The following LINGO2 variants were observed in gnomAD, a reference collection of about 807,000 sequenced individuals.
The protein encoded by LINGO2 is leucine rich repeat and Ig domain containing 2, also known as leucine-rich repeat and immunoglobulin-like domain-containing nogo receptor-interacting protein 2.
A neutral mutation model predicts 30.6 loss-of-function variants in LINGO2; 14 were observed. The observed-to-expected ratio is 0.46, with a 90% confidence interval of 0.30 to 0.72. The LOEUF is 0.72. Among genes scored for constraint, LINGO2 ranks in the 30% least tolerant of loss-of-function variants. LINGO2 has a pLI of 0.07. For synonymous variants in LINGO2, 317 were observed against 288.5 expected (o/e 1.10, Z -1.00); for missense variants, 729 against 751.7 (o/e 0.97, Z 0.35).
the LINGO2 span, among the ~76,000 whole-genome samples, chr9:29,044,476 G>A: frequency 6.6e-6 from 1 of 151,950 alleles, no homozygotes; most frequent in Non-Finnish European, 1.5e-5. Context: ...TAAGGCATAT[G>A]ACTCTCATAC....
intron 3 of LINGO2, among the ~76,000 whole-genome samples, chr9:28,345,531 A>G (rs1159343994): frequency 6.6e-6 from 1 of 152,168 alleles, no homozygotes; most frequent in Non-Finnish European, 1.5e-5. Context: ...GAACTTGATC[A>G]TAGTATAGTG....
At chr9:28,091,348 TA>T (rs1272511279) in intron 4 of LINGO2, among the ~76,000 whole-genome samples, 6 of 152,326 alleles carry the variant, frequency 3.9e-5, no homozygotes, top group Admixed American at 1.3e-4. Context: ...AACAGCATGG[TA>T]CTGGTACCAA....
chr9:28,002,509 C>A (rs999864517), intron 5 of LINGO2, among the ~76,000 whole-genome samples: 5 of 152,142 alleles, frequency 3.3e-5, no homozygotes, highest in Non-Finnish European at 7.4e-5. Flanking sequence ...GATTCCCAAT[C>A]TGTTTATATT....
chr9:28,171,522 A>G (rs1316358472), intron 4 of LINGO2, among the ~76,000 whole-genome samples: 1 of 152,132 alleles, frequency 6.6e-6, no homozygotes, highest in African/African-American at 2.4e-5. Context: ...GCTCTCAAGA[A>G]CACTAAAAAA....
intron 5 of LINGO2, among the ~76,000 whole-genome samples, chr9:27,993,865 G>A (rs1349362508): frequency 6.6e-6 from 1 of 151,698 alleles, no homozygotes; most frequent in Non-Finnish European, 1.5e-5. Flanking sequence ...CTTTTTGTGA[G>A]CACCTGGAAC....
the LINGO2 span, among the ~76,000 whole-genome samples, chr9:28,723,300 G>A: frequency 6.6e-6 from 1 of 151,912 alleles, no homozygotes; most frequent in Non-Finnish European, 1.5e-5. Context: ...GCATTATTTG[G>A]CACAGCTATT....
chr9:28,943,213 G>C, the LINGO2 span, among the ~76,000 whole-genome samples: 1 of 152,282 alleles, frequency 6.6e-6, no homozygotes, highest in South Asian at 2.1e-4. Context: ...AGCATTCTTT[G>C]TAGAATAATT....
the LINGO2 span, among the ~76,000 whole-genome samples, chr9:29,203,761 A>C: frequency 6.6e-6 from 1 of 152,264 alleles, no homozygotes; most frequent in Admixed American, 6.5e-5. Context: ...CACAGCACTT[A>C]GTCTCACTCT....
At chr9:29,142,275 G>A in the LINGO2 span, among the ~76,000 whole-genome samples, 2 of 151,774 alleles carry the variant, frequency 1.3e-5, no homozygotes, top group Admixed American at 6.6e-5. Context: ...TTAAAAATTT[G>A]TAGAAATTAG....
chr9:28,944,844 TG>T, the LINGO2 span, among the ~76,000 whole-genome samples: 3 of 152,278 alleles, frequency 2.0e-5, no homozygotes, highest in East Asian at 5.8e-4. Context: ...AAAACAAGAA[TG>T]TTTTTTACCT....
chr9:28,751,760 T>G, the LINGO2 span, among the ~76,000 whole-genome samples: 1 of 151,952 alleles, frequency 6.6e-6, no homozygotes, highest in Non-Finnish European at 1.5e-5. Context: ...ATGGATTCCC[T>G]AACTCAGGTT....
At chr9:28,783,776 T>C in the LINGO2 span, among the ~76,000 whole-genome samples, 1 of 152,218 alleles carries the variant, frequency 6.6e-6, no homozygotes, top group Admixed American at 6.5e-5. Context: ...CAGAGTGCTA[T>C]AGACTGGGTG....
chr9:28,239,585 G>A (rs974403165), intron 4 of LINGO2, among the ~76,000 whole-genome samples: 6 of 151,918 alleles, frequency 3.9e-5, no homozygotes, highest in South Asian at 2.1e-4. Context: ...AGTTCAACAC[G>A]CCTTCATAAT....
chr9:28,199,997 G>GA (rs11325617), intron 4 of LINGO2, among the ~76,000 whole-genome samples: 8,253 of 122,996 alleles, frequency 0.067, 280 homozygotes, highest in Admixed American at 0.11. Flanking sequence ...CTTCATTTAG[G>GA]AAAAAAAAAA....
chr9:28,743,339 C>T, the LINGO2 span, among the ~76,000 whole-genome samples: 1 of 151,876 alleles, frequency 6.6e-6, no homozygotes, highest in Non-Finnish European at 1.5e-5. Context: ...CCCCTAGGCC[C>T]CCATCCCCCG....
downstream of LINGO2, among the ~76,000 whole-genome samples, chr9:27,945,766 C>T (rs1232866962): frequency 3.9e-5 from 6 of 152,092 alleles, no homozygotes; most frequent in Non-Finnish European, 5.9e-5. Flanking sequence ...CAGCGTTTCA[C>T]TCAATGGATA....
At chr9:28,477,635 C>T (rs1018850544) in intron 1 of LINGO2, among the ~76,000 whole-genome samples, 1 of 152,092 alleles carries the variant, frequency 6.6e-6, no homozygotes, top group Admixed American at 6.5e-5. Context: ...ATAGCTAATA[C>T]CCATATAATT....
intron 3 of LINGO2, among the ~76,000 whole-genome samples, chr9:28,346,647 T>C (rs886312670): frequency 1.3e-5 from 2 of 152,160 alleles, no homozygotes; most frequent in African/African-American, 4.8e-5. Context: ...TAATTTATAA[T>C]CCCACCAGCA....
intron 1 of LINGO2, among the ~76,000 whole-genome samples, chr9:28,595,117 C>T (rs1435645979): frequency 6.6e-6 from 1 of 152,016 alleles, no homozygotes; most frequent in Non-Finnish European, 1.5e-5. Context: ...TGTTATCCAT[C>T]AACAATCCTC....
Sources: allele counts gnomAD v4.1 joint callset (sites outside exome capture counted in the v4.1 genomes callset), GRCh38; gene constraint gnomAD v4.1.1; transcripts MANE v1.5; gene names NCBI Gene and HGNC (gene_info 2026-07-23, HGNC 2026-07-21).